THSD7B: variants seen among roughly 807,000 people sequenced by gnomAD.
THSD7B encodes the protein thrombospondin type-1 domain-containing protein 7B.
In THSD7B, 138 loss-of-function variants were observed where a neutral mutation model predicts 213.6. The ratio of observed to expected loss-of-function variants is 0.65; its 90% CI spans 0.56 to 0.74. The LOEUF (loss-of-function observed/expected upper bound fraction) is 0.74. Among genes scored for constraint, THSD7B ranks in the 30% least tolerant of loss-of-function variants. The probability of loss-of-function intolerance (pLI) is 0.00; values close to 1 mark genes in which losing one functional copy is unlikely to be tolerated. For synonymous variants in THSD7B, 742 were observed against 687.0 expected, an observed-to-expected ratio of 1.08 and a Z score of -1.25; for missense variants, 1,931 against 1,991.5, an observed-to-expected ratio of 0.97 and a Z score of 0.58.
At chr2:137,620,798 T>A in intron 20 of THSD7B, 72 bp downstream of exon 20, 1 of 1,297,360 alleles carries the variant, frequency 7.7e-7, no homozygotes, top group Non-Finnish European at 1.1e-6. Context: ...CATAGCTTGA[T>A]AAATGGCATA....
chr2:137,602,597 C>A (rs1193279673), intron 17 of THSD7B, among the ~76,000 whole-genome samples: 1 of 152,090 alleles, frequency 6.6e-6, no homozygotes, highest in East Asian at 1.9e-4. Context: ...AGTCTGGGAA[C>A]TTCAATATCA....
At chr2:136,789,937 A>G (rs1362487709) in intron 1 of THSD7B, among the ~76,000 whole-genome samples, 1 of 152,146 alleles carries the variant, frequency 6.6e-6, no homozygotes, top group Non-Finnish European at 1.5e-5. Context: ...ATTGATAGAA[A>G]AGATGGAGCC....
chr2:137,483,778 G>T (rs573650556), intron 15 of THSD7B, among the ~76,000 whole-genome samples: 1 of 152,278 alleles, frequency 6.6e-6, no homozygotes, highest in South Asian at 2.1e-4. Context: ...GCCCCCGCTG[G>T]TGGCAGGAAG....
intron 12 of THSD7B, among the ~76,000 whole-genome samples, chr2:137,341,509 A>C (rs1350282876): frequency 6.6e-6 from 1 of 151,608 alleles, no homozygotes; most frequent in Non-Finnish European, 1.5e-5. Flanking sequence ...AAAAACAAAC[A>C]AAAAATCATT....
chr2:137,200,042 T>C (rs1028388722), intron 7 of THSD7B, among the ~76,000 whole-genome samples: 9 of 152,120 alleles, frequency 5.9e-5, no homozygotes, highest in African/African-American at 2.2e-4. Flanking sequence ...TAATTCCTTC[T>C]CAAGGAACGT....
chr2:137,586,938 C>T (rs1284501270), intron 17 of THSD7B, among the ~76,000 whole-genome samples: 1 of 152,222 alleles, frequency 6.6e-6, no homozygotes, highest in Non-Finnish European at 1.5e-5. Context: ...TGTTTTCCAA[C>T]TTGGTTCCAT....
chr2:137,297,837 A>T (rs1415777989), intron 12 of THSD7B, among the ~76,000 whole-genome samples: 1 of 152,098 alleles, frequency 6.6e-6, no homozygotes, highest in Non-Finnish European at 1.5e-5. Context: ...CATAATTGTG[A>T]GACCTCCTCC....
chr2:137,634,112 T>C (rs1682790184), intron 20 of THSD7B, among the ~76,000 whole-genome samples: 1 of 152,144 alleles, frequency 6.6e-6, no homozygotes, highest in Non-Finnish European at 1.5e-5. Flanking sequence ...ACTCTTTTAT[T>C]CATTAACCTG....
chr2:137,138,086 G>T (rs1046997934), intron 5 of THSD7B, among the ~76,000 whole-genome samples: 1 of 151,934 alleles, frequency 6.6e-6, no homozygotes, highest in Non-Finnish European at 1.5e-5. Flanking sequence ...TACAGATGGG[G>T]TCCCATTATG....
At chr2:137,261,681 TAG>T (rs532381272) in intron 10 of THSD7B, among the ~76,000 whole-genome samples, 2 of 152,126 alleles carry the variant, frequency 1.3e-5, no homozygotes, top group Admixed American at 6.5e-5. Context: ...ATAAAAGAGA[TAG>T]AGAGTGTCTA....
intron 1 of THSD7B, among the ~76,000 whole-genome samples, chr2:136,781,991 G>A (rs1681751554): frequency 1.3e-5 from 2 of 152,132 alleles, no homozygotes; most frequent in African/African-American, 4.8e-5. Flanking sequence ...AAAGGGGTAG[G>A]GCACAGCATT....
chr2:136,918,519 A>T (rs1359520137), intron 2 of THSD7B, among the ~76,000 whole-genome samples: 1 of 152,192 alleles, frequency 6.6e-6, no homozygotes, highest in Non-Finnish European at 1.5e-5. Context: ...TGATGCATGT[A>T]ATGAAGATGT....
At chr2:136,942,775 G>A (rs571701436) in intron 2 of THSD7B, among the ~76,000 whole-genome samples, 58 of 152,212 alleles carry the variant, frequency 3.8e-4, no homozygotes, top group Non-Finnish European at 7.2e-4. Context: ...TTTTCTAAAT[G>A]TACAATCATG....
intron 2 of THSD7B, among the ~76,000 whole-genome samples, chr2:136,960,470 A>G (rs989068337): frequency 6.6e-6 from 1 of 152,098 alleles, no homozygotes; most frequent in Non-Finnish European, 1.5e-5. Flanking sequence ...TTCCCCATGT[A>G]AAGTTTCCAT....
intron 5 of THSD7B, among the ~76,000 whole-genome samples, chr2:137,124,301 C>T (rs1317534645): frequency 6.6e-6 from 1 of 152,186 alleles, no homozygotes; most frequent in East Asian, 1.9e-4. Context: ...TCTATTTCTC[C>T]AGCTTTGTTA....
chr2:137,141,098 G>T (rs1369736567), intron 5 of THSD7B, among the ~76,000 whole-genome samples: 1 of 152,162 alleles, frequency 6.6e-6, no homozygotes, highest in African/African-American at 2.4e-5. Flanking sequence ...TCACATGGAG[G>T]AGTGTGAGGC....
chr2:137,050,012 C>T (rs1687040271), intron 2 of THSD7B, among the ~76,000 whole-genome samples: 1 of 152,060 alleles, frequency 6.6e-6, no homozygotes, highest in Non-Finnish European at 1.5e-5. Context: ...AATTGTCAGC[C>T]CCATTTTTGC....
At chr2:137,270,350 G>A (rs988472026) in intron 10 of THSD7B, among the ~76,000 whole-genome samples, 1 of 152,092 alleles carries the variant, frequency 6.6e-6, no homozygotes, top group African/African-American at 2.4e-5. Flanking sequence ...GAACAAAGAG[G>A]GAATCTAGGG....
At chr2:137,589,133 C>T (rs542109762) in intron 17 of THSD7B, among the ~76,000 whole-genome samples, 12 of 152,084 alleles carry the variant, frequency 7.9e-5, no homozygotes, top group East Asian at 3.8e-4. Flanking sequence ...TGATATTTGG[C>T]GGATACTTTC....
Sources: gnomAD v4.1 joint callset for allele counts (sites outside exome capture counted in the v4.1 genomes callset) on GRCh38, gnomAD v4.1.1 for gene constraint, MANE v1.5 for transcripts, NCBI Gene and HGNC (gene_info 2026-07-23, HGNC 2026-07-21) for gene names.